The following ENOX1 variants were observed in gnomAD, a reference collection of about 807,000 sequenced individuals.
ENOX1 encodes the protein ecto-NOX disulfide-thiol exchanger 1, also known as candidate growth-related and time keeping constitutive hydroquinone (NADH) oxidase.
In ENOX1, 42 loss-of-function variants were observed where a neutral mutation model predicts 82.5. The ratio of observed to expected loss-of-function variants is 0.51; its 90% CI spans 0.40 to 0.66. The LOEUF is 0.66. Among genes scored for constraint, ENOX1 ranks in the 30% least tolerant of loss-of-function variants. The pLI, the probability that ENOX1 is intolerant of heterozygous loss-of-function variation, is 0.00. For synonymous variants in ENOX1, 271 were observed against 282.2 expected, an observed-to-expected ratio of 0.96 and a Z score of 0.40; for missense variants, 608 against 811.6, an observed-to-expected ratio of 0.75 and a Z score of 3.05.
rs573336915 is a variant in ENOX1 at position 43,676,383 on chromosome 13, G to C, written c.-284-8839C>G. Among the ~76,000 whole-genome samples, 3 of 152,274 alleles carry C rather than the reference G, an allele frequency of 2.0e-5. No homozygotes were observed. The South Asian group carries it at 6.2e-4, about 32-fold the overall frequency. The stretch of plus-strand genomic sequence containing the variant: ...CTGGGAAGCCTGGACACTTTGTTTA[G>C]TCTGTATACTACCTGTACAAGTTTT... On this transcript the variant is annotated intron_variant, in intron 1 of 16. Transcript: ENST00000690772.
chr13:43,391,589 A>G (rs921398963), intron 5 of ENOX1, among the ~76,000 whole-genome samples: 1 of 152,178 alleles, frequency 6.6e-6, no homozygotes, highest in Non-Finnish European at 1.5e-5. Flanking sequence ...CAGTTGCTTA[A>G]GCTAGAAACT....
intron 2 of ENOX1, among the ~76,000 whole-genome samples, chr13:43,655,245 G>T (rs750685403): frequency 6.6e-6 from 1 of 152,178 alleles, no homozygotes; most frequent in African/African-American, 2.4e-5. Context: ...TCTATGTTTC[G>T]CAAACTGTTC....
In ENOX1 at chr13:43,654,867, A is replaced by T. The variant is rs182478401; in HGVS notation, c.-219+12612T>A. Among the ~76,000 whole-genome samples the T allele has an allele frequency of 2.6e-5, 4 of 152,306 alleles. No homozygotes were observed. The East Asian group carries it at 5.8e-4, about 22-fold the overall frequency. ...CATTTATGTATAGTCTGAAAACACT[A>T]ATCAGACTGTTTACCCCAATGAAGC... On this transcript the variant is annotated intron_variant, in intron 2 of 16. Transcript: ENST00000690772.
chr13:43,329,699 C>CT (rs966092807), intron 9 of ENOX1, among the ~76,000 whole-genome samples: 5 of 152,046 alleles, frequency 3.3e-5, no homozygotes, highest in Non-Finnish European at 7.4e-5. Context: ...AACTTATACA[C>CT]TTTTTTTCCC....
At chr13:43,392,091 A>G (rs865841928) in intron 5 of ENOX1, among the ~76,000 whole-genome samples, 2 of 113,886 alleles carry the variant, frequency 1.8e-5, no homozygotes, top group Non-Finnish European at 4.8e-5. Flanking sequence ...GCTCCTTCTC[A>G]TACCTCAGAA....
At chr13:43,341,563 A>C (rs1053257175) in intron 9 of ENOX1, among the ~76,000 whole-genome samples, 1 of 152,316 alleles carries the variant, frequency 6.6e-6, no homozygotes, top group South Asian at 2.1e-4. Flanking sequence ...TAAAGAAGTG[A>C]GCACAGAGAG....
intron 1 of ENOX1, among the ~76,000 whole-genome samples, chr13:43,702,623 A>G (rs1296852600): frequency 6.6e-6 from 1 of 152,156 alleles, no homozygotes; most frequent in Admixed American, 6.5e-5. Flanking sequence ...AGTGATGAGG[A>G]CAGAGCTCTC....
intron 2 of ENOX1, among the ~76,000 whole-genome samples, chr13:43,584,125 T>C (rs993385643): frequency 2.0e-5 from 3 of 152,186 alleles, no homozygotes; most frequent in Admixed American, 2.0e-4. Context: ...GAAACTCTAA[T>C]TACCTTCAGC....
Position 43,512,898 on chromosome 13 carries a change from C to T in ENOX1, c.-218-28746G>A, listed in dbSNP as rs17064680. ...TTTCTAACAAGTATTTATTAAGCAC[C>T]TAAGATATGTCAAGTATTGGGTTAG... On this transcript the variant is annotated intron_variant, in intron 2 of 16. Transcript: ENST00000690772. Among the ~76,000 whole-genome samples the T allele has an allele frequency of 2.8e-3, 433 of 151,994 alleles. 1 individual carries two copies. Among genetic ancestry groups the T allele is most frequent in the African/African-American group, 0.01 (417 of 41,438 alleles).
At chr13:43,489,449 AG>A (rs557854769) in intron 2 of ENOX1, among the ~76,000 whole-genome samples, 3 of 152,192 alleles carry the variant, frequency 2.0e-5, no homozygotes, top group Non-Finnish European at 4.4e-5. Context: ...TAGATTTCAA[AG>A]GATGTCTCAG....
intron 5 of ENOX1, among the ~76,000 whole-genome samples, chr13:43,368,219 T>A (rs948179295): frequency 1.3e-5 from 2 of 152,250 alleles, no homozygotes; most frequent in Non-Finnish European, 2.9e-5. Context: ...GCACACTTTA[T>A]AAACAAAGAC....
At chr13:43,353,458 T>C (rs1305661302) in intron 8 of ENOX1, among the ~76,000 whole-genome samples, 1 of 152,220 alleles carries the variant, frequency 6.6e-6, no homozygotes, top group Admixed American at 6.5e-5. Flanking sequence ...TATTTTCAGA[T>C]TGCATTTCCA....
intron 16 of ENOX1, 27 bp downstream of exon 16, chr13:43,224,026 A>T (rs780459619): frequency 1.9e-6 from 3 of 1,585,768 alleles, no homozygotes; most frequent in Non-Finnish European, 2.6e-6. Flanking sequence ...TTGAGCAACG[A>T]AAGTTCACTC....
chr13:43,619,699 G>A (rs1014530314), intron 2 of ENOX1, among the ~76,000 whole-genome samples: 2 of 152,000 alleles, frequency 1.3e-5, no homozygotes, highest in South Asian at 2.1e-4. Context: ...CAAGGATATC[G>A]GTCTGTAGTT....
chr13:43,581,179 C>T (rs1254262881), intron 2 of ENOX1, among the ~76,000 whole-genome samples: 2 of 130,970 alleles, frequency 1.5e-5, no homozygotes, highest in Admixed American at 1.7e-4. Flanking sequence ...GTCGCCCAGG[C>T]TGGAGTGCAG....
chr13:43,647,457 G>A (rs541437776), intron 2 of ENOX1, among the ~76,000 whole-genome samples: 1 of 152,140 alleles, frequency 6.6e-6, no homozygotes, highest in South Asian at 2.1e-4. Flanking sequence ...CTTCCCCAGG[G>A]TCTCCATATC....
chr13:43,515,159 G>A (rs2077513776), intron 2 of ENOX1, among the ~76,000 whole-genome samples: 1 of 152,126 alleles, frequency 6.6e-6, no homozygotes, highest in Non-Finnish European at 1.5e-5. Context: ...CAGGACTTCT[G>A]AGTGCCTGTG....
intron 9 of ENOX1, among the ~76,000 whole-genome samples, chr13:43,329,913 G>A (rs1439058466): frequency 6.6e-6 from 1 of 152,148 alleles, no homozygotes; most frequent in African/African-American, 2.4e-5. Context: ...AAGGACTCTG[G>A]AGGAGTGCTT....
chr13:43,324,512 A>G (rs1474341917), intron 10 of ENOX1, among the ~76,000 whole-genome samples: 1 of 152,196 alleles, frequency 6.6e-6, no homozygotes, highest in Admixed American at 6.5e-5. Flanking sequence ...TCAAGCTTAT[A>G]CGCAACTGAG....
Sources: allele counts gnomAD v4.1 joint callset (sites outside exome capture counted in the v4.1 genomes callset), GRCh38; gene constraint gnomAD v4.1.1; transcripts MANE v1.5; gene names NCBI Gene and HGNC (gene_info 2026-07-23, HGNC 2026-07-21).